P4HA1: variants seen among roughly 807,000 people sequenced by gnomAD.
P4HA1 encodes prolyl 4-hydroxylase subunit alpha 1, also known as prolyl 4-hydroxylase subunit alpha-1.
P4HA1 carries 24 observed loss-of-function variants against 72.8 expected under a neutral mutation model. The observed-to-expected ratio is 0.33, with a 90% CI of 0.24 to 0.46. The LOEUF (loss-of-function observed/expected upper bound fraction) is 0.46. P4HA1 is among the 20% of genes least tolerant of loss of function. The pLI is 1.00. For synonymous variants in P4HA1, 201 were observed against 218.8 expected, an observed-to-expected ratio of 0.92 and a Z score of 0.72; for missense variants, 446 against 640.6, an observed-to-expected ratio of 0.70 and a Z score of 3.28.
At chr10:73,070,305 C>T (rs1253394900) in intron 4 of P4HA1, among the ~76,000 whole-genome samples, 1 of 151,490 alleles carries the variant, frequency 6.6e-6, no homozygotes, top group Non-Finnish European at 1.5e-5. Flanking sequence ...TAAAGGTGCC[C>T]ACCACCAGGC....
chr10:73,024,350 A>T (rs2133051501), intron 10 of P4HA1, among the ~76,000 whole-genome samples: 1 of 152,286 alleles, frequency 6.6e-6, no homozygotes, highest in Middle Eastern at 3.4e-3. Context: ...ACTCAAAACC[A>T]CACAACTACA....
chr10:73,049,677 A>T (rs2133094341), intron 7 of P4HA1, among the ~76,000 whole-genome samples: 1 of 152,370 alleles, frequency 6.6e-6, no homozygotes, highest in Admixed American at 6.5e-5. Context: ...TAATATTTAT[A>T]GATATATTTT....
At position 73,037,571 on chromosome 10, in the gene P4HA1, A is replaced by ATTTT. The variant is rs71021545; in HGVS notation, c.1149-7205_1149-7202dup. Among the ~76,000 whole-genome samples, 24 of 30,610 alleles carry ATTTT rather than the reference A, an allele frequency of 7.8e-4. 1 individual carries two copies. The highest frequency in any genetic ancestry group is 1.3e-3 in the African/African-American group (10 of 7,930). 20.1% of individuals were successfully genotyped at this position (30,610 alleles called of 152,430 possible). ...TATATATATATATATATATATATAT[A>ATTTT]TTTTTTTTTTTTTTTTTTTACAAAG... On this transcript the variant is annotated intron_variant, in intron 9 of 14. Coordinates refer to ENST00000394890, the MANE Select transcript of P4HA1 (RefSeq NM_001017962.3).
At chr10:73,095,930 G>A (rs2133180607) in intron 1 of P4HA1, among the ~76,000 whole-genome samples, 1 of 152,310 alleles carries the variant, frequency 6.6e-6, no homozygotes, top group African/African-American at 2.4e-5. Context: ...GGCCAGCCAT[G>A]TAATCCAACT....
chr10:73,012,290 A>G (rs1212965393), intron 12 of P4HA1, among the ~76,000 whole-genome samples: 6 of 152,178 alleles, frequency 3.9e-5, no homozygotes, highest in Non-Finnish European at 7.3e-5. Context: ...AAGCCACAAT[A>G]ACTGCTAATT....
At chr10:73,017,215 A>G (rs7912619) in intron 10 of P4HA1, among the ~76,000 whole-genome samples, 3 of 137,288 alleles carry the variant, frequency 2.2e-5, no homozygotes, top group Non-Finnish European at 4.4e-5. Context: ...ATAGATATCT[A>G]TATCTACAGA....
Position 73,021,793 on chromosome 10 carries a change from T to A in P4HA1, c.1249-4894A>T, listed in dbSNP as rs113122746. On this transcript the variant is annotated intron_variant, in intron 10 of 14. Coordinates refer to ENST00000394890, the MANE Select transcript of P4HA1 (RefSeq NM_001017962.3). ...AAACCGGACAATCCTGCCCACATAC[T>A]GCGCTTTTCCCACAGTCTTAGCAAC... Among the ~76,000 whole-genome samples the A allele has an allele frequency of 1.9e-3, 296 of 152,320 alleles. 1 individual carries two copies. The highest frequency in any genetic ancestry group is 6.8e-3 in the Middle Eastern group (2 of 294).
At chr10:73,019,024 G>A (rs1443065396) in intron 10 of P4HA1, among the ~76,000 whole-genome samples, 1 of 151,534 alleles carries the variant, frequency 6.6e-6, no homozygotes, top group Non-Finnish European at 1.5e-5. Flanking sequence ...CTGCTTGTAG[G>A]ATATGTAAGA....
At chr10:73,039,328 T>G (rs1840677632) in intron 9 of P4HA1, among the ~76,000 whole-genome samples, 1 of 152,014 alleles carries the variant, frequency 6.6e-6, no homozygotes, top group South Asian at 2.1e-4. Flanking sequence ...TTGTTTGTTT[T>G]TTGAGTCTCG....
chr10:73,044,049 G>T, intron 9 of P4HA1: 1 of 878,052 alleles, frequency 1.1e-6, no homozygotes, highest in Non-Finnish European at 1.9e-6. Context: ...ACAGGTGATT[G>T]GAAGGGTTCA....
At chr10:73,035,149 C>CA (rs1840539932) in intron 9 of P4HA1, among the ~76,000 whole-genome samples, 1 of 151,768 alleles carries the variant, frequency 6.6e-6, no homozygotes, top group Non-Finnish European at 1.5e-5. Context: ...TAACCCTAAA[C>CA]TTTTTGAGGA....
intron 2 of P4HA1, 200 bp from the exon 3 acceptor site, chr10:73,074,027 A>G (rs1564635151): frequency 1.8e-6 from 1 of 548,850 alleles, no homozygotes; most frequent in African/African-American, 1.9e-5. Flanking sequence ...TCCAGTTCTA[A>G]TTTTTAAGCC....
At chr10:73,052,963 G>A (rs1841053254) in intron 6 of P4HA1, among the ~76,000 whole-genome samples, 1 of 152,172 alleles carries the variant, frequency 6.6e-6, no homozygotes, top group Admixed American at 6.5e-5. Context: ...ATTTGAATAT[G>A]ATAAATATAT....
chr10:73,035,002 G>A (rs1448630991), intron 9 of P4HA1, among the ~76,000 whole-genome samples: 1 of 152,068 alleles, frequency 6.6e-6, no homozygotes, highest in African/African-American at 2.4e-5. Flanking sequence ...TTCATTTGTT[G>A]ATGGACATTT....
chr10:73,019,481 C>A (rs1268839584), intron 10 of P4HA1, among the ~76,000 whole-genome samples: 3 of 151,844 alleles, frequency 2.0e-5, no homozygotes, highest in African/African-American at 7.3e-5. Flanking sequence ...TAAGGAAACT[C>A]AAACAGATAA....
intron 5 of P4HA1, 31 bp downstream of exon 5, chr10:73,068,815 G>A (rs201836470): frequency 3.8e-6 from 6 of 1,576,408 alleles, no homozygotes; most frequent in Middle Eastern, 1.7e-4. Context: ...CTAGGTGATA[G>A]GTATTTTATA....
chr10:73,083,369 G>A (rs1205077164), intron 1 of P4HA1, among the ~76,000 whole-genome samples: 7 of 152,128 alleles, frequency 4.6e-5, no homozygotes, highest in African/African-American at 1.4e-4. Context: ...TTCTGTACTA[G>A]GGTAGTGAAC....
chr10:73,068,666 T>C (rs993891352), intron 5 of P4HA1, among the ~76,000 whole-genome samples, 180 bp downstream of exon 5: 6 of 152,178 alleles, frequency 3.9e-5, no homozygotes, highest in South Asian at 2.1e-4. Flanking sequence ...GCTAGAAGCA[T>C]ACCCGTAACT....
chr10:73,073,849 C>A, intron 2 of P4HA1, 22 bp from the exon 3 acceptor site: 1 of 1,055,342 alleles, frequency 9.5e-7, no homozygotes, highest in South Asian at 1.3e-5. Flanking sequence ...AGAAGGTTAT[C>A]AAATACTCAT....
Sources: gnomAD v4.1 joint callset for allele counts (sites outside exome capture counted in the v4.1 genomes callset) on GRCh38, gnomAD v4.1.1 for gene constraint, MANE v1.5 for transcripts, NCBI Gene and HGNC (gene_info 2026-07-23, HGNC 2026-07-21) for gene names.